LDLRAP1: variants seen among roughly 807,000 people sequenced by gnomAD.
LDLRAP1 encodes low density lipoprotein receptor adapter protein 1.
In LDLRAP1, 30 loss-of-function variants were observed where a neutral mutation model predicts 37.8. The ratio of observed to expected loss-of-function variants is 0.79; its 90% CI spans 0.59 to 1.08. The LOEUF (loss-of-function observed/expected upper bound fraction) is 1.08, where lower values mean the gene tolerates loss of function less well. Ranked by LOEUF, LDLRAP1 falls within the 50% of genes least tolerant of loss-of-function variation. The pLI is 0.00. For synonymous variants in LDLRAP1, 156 were observed against 169.8 expected (o/e 0.92, Z 0.63); for missense variants, 375 against 401.6 (o/e 0.93, Z 0.57).
intron 7 of LDLRAP1, 179 bp downstream of exon 7, chr1:25,563,970 A>C: frequency 1.3e-6 from 1 of 755,590 alleles, no homozygotes; most frequent in Non-Finnish European, 2.2e-6. Flanking sequence ...TTTGAACCTG[A>C]GGCTGCATCC....
the LDLRAP1 span, among the ~76,000 whole-genome samples, chr1:25,588,321 A>G: frequency 3.3e-5 from 5 of 152,178 alleles, no homozygotes; most frequent in Non-Finnish European, 7.3e-5. Context: ...GCCTCTTTGC[A>G]GTTGAGACAA....
At chr1:25,556,214 G>A (rs1161842644) in intron 3 of LDLRAP1, among the ~76,000 whole-genome samples, 2 of 151,976 alleles carry the variant, frequency 1.3e-5, no homozygotes, top group African/African-American at 4.8e-5. Context: ...GGGTGAGTCT[G>A]TGGTGCTCCT....
At chr1:25,553,024 G>A (rs72873734) in intron 1 of LDLRAP1, among the ~76,000 whole-genome samples, 7,884 of 152,112 alleles carry the variant, frequency 0.052, 494 homozygotes, top group African/African-American at 0.15. Context: ...TTGGGAAATC[G>A]CCTTCTCCTC....
downstream of LDLRAP1, among the ~76,000 whole-genome samples, chr1:25,569,107 A>C (rs562477335): frequency 5.3e-5 from 8 of 152,240 alleles, no homozygotes; most frequent in East Asian, 1.2e-3. Flanking sequence ...TGGATGACTC[A>C]TGGAGGCTAC....
At chr1:25,581,665 C>T in the LDLRAP1 span, 2 of 152,474 alleles carry the variant, frequency 1.3e-5, no homozygotes, top group African/African-American at 4.8e-5. Context: ...CTGGATGAAA[C>T]CTGACTATGC....
intron 4 of LDLRAP1, among the ~76,000 whole-genome samples, chr1:25,559,496 G>A (rs948659311): frequency 6.6e-6 from 1 of 152,232 alleles, no homozygotes; most frequent in Non-Finnish European, 1.5e-5. Context: ...GCCCTGACCA[G>A]GCAGCAGAAG....
chr1:25,558,158 C>A (rs2044255882), intron 4 of LDLRAP1, among the ~76,000 whole-genome samples: 2 of 152,098 alleles, frequency 1.3e-5, no homozygotes, highest in Admixed American at 1.3e-4. Context: ...GTTTCTGAGA[C>A]CCCCAGGATC....
At position 25,563,122 on chromosome 1, in the gene LDLRAP1, C is replaced by A. The variant is rs1214972371; in HGVS notation, c.585C>A (p.Ala195=). 1.2e-6 allele frequency: 2 copies of A among 1,613,892 alleles called. No homozygotes were observed. The highest frequency in any genetic ancestry group is 1.7e-6 in the Non-Finnish European group (2 of 1,179,940). ...ASQEGGDVLG[A]RQDCTPSLKS... The stretch of plus-strand genomic sequence containing the variant: ...AAGAGGGAGGGGACGTCCTGGGGGC[C>A]CGCCAAGACTGCACCCCCTCCTTGA... Residue 195 remains alanine, a synonymous_variant, in exon 6 of 9, where the codon GCC becomes GCA. Transcript: ENST00000374338.
chr1:25,565,033 G>C (rs1015909471), intron 7 of LDLRAP1, 140 bp from the exon 8 acceptor site: 1 of 867,776 alleles, frequency 1.2e-6, no homozygotes, highest in African/African-American at 1.7e-5. Context: ...CAGGAGGCCT[G>C]CCTGAGGCCG....
chr1:25,576,449 C>T, the LDLRAP1 span, among the ~76,000 whole-genome samples: 14 of 150,312 alleles, frequency 9.3e-5, no homozygotes, highest in Non-Finnish European at 1.8e-4. Context: ...TCACTTGAAA[C>T]CAGAAGGCAG....
At chr1:25,548,934 G>A (rs1349005351) in intron 1 of LDLRAP1, among the ~76,000 whole-genome samples, 4 of 152,088 alleles carry the variant, frequency 2.6e-5, no homozygotes, top group Admixed American at 6.5e-5. Context: ...GGAATTACAG[G>A]CATGAGCCAC....
In LDLRAP1 at chr1:25,567,150, A is replaced by G. The variant is rs1368262108; in HGVS notation, c.*158A>G. On this transcript the variant is annotated 3_prime_UTR_variant, in exon 9 of 9. Transcript: ENST00000374338. ...CTGCAGCCAGTCAGGCAGGGGAGAG[A>G]TTTTTCTTTTAAGCCCTGCTCTTTC... 1.0e-5 allele frequency: 9 copies of G among 889,710 alleles called. No homozygotes were observed. The highest frequency in any genetic ancestry group is 2.1e-5 in the Admixed American group (1 of 47,352). 55.1% of individuals were successfully genotyped at this position (889,710 alleles called of 1,614,324 possible). A position where few individuals can be genotyped will look rare whatever the true frequency, so the allele number is the denominator to read the frequency against.
chr1:25,543,791 G>T lies in LDLRAP1; in HGVS notation c.88+5G>T, dbSNP rs1048978247. 2.5e-6 allele frequency: 3 copies of T among 1,205,026 alleles called. No homozygotes were observed. The African/African-American group carries it at 4.7e-5, about 19-fold the overall frequency. 74.6% of individuals were successfully genotyped at this position (1,205,026 alleles called of 1,614,324 possible). A position where few individuals can be genotyped will look rare whatever the true frequency, so the allele number is the denominator to read the frequency against. On this transcript the variant is annotated splice_donor_5th_base_variant and intron_variant, in intron 1 of 8. Transcript: ENST00000374338. ...GGGGCGGTGGCCGGCACCGCAGTGA[G>T]TGTGCGCGCGTCAGCCGGGCCGGGC...
intron 4 of LDLRAP1, among the ~76,000 whole-genome samples, chr1:25,558,763 A>ATAATCTC (rs1446516035): frequency 1.3e-5 from 2 of 152,172 alleles, no homozygotes; most frequent in Non-Finnish European, 2.9e-5. Flanking sequence ...CTCCATCGCC[A>ATAATCTC]CATCCTTAAC....
chr1:25,582,893 G>A, the LDLRAP1 span, among the ~76,000 whole-genome samples: 1 of 151,972 alleles, frequency 6.6e-6, no homozygotes, highest in East Asian at 2.0e-4. Flanking sequence ...GCAACATGGT[G>A]AAACCCCGTC....
chr1:25,572,948 GC>G (rs1453644418), downstream of LDLRAP1, among the ~76,000 whole-genome samples: 2 of 152,196 alleles, frequency 1.3e-5, no homozygotes, highest in African/African-American at 4.8e-5. Flanking sequence ...TCCGAGTGCA[GC>G]CTCTGGGGCC....
chr1:25,582,799 C>CCT, the LDLRAP1 span, among the ~76,000 whole-genome samples: 2 of 151,750 alleles, frequency 1.3e-5, no homozygotes, highest in African/African-American at 4.8e-5. Context: ...GAGCCGGGTA[C>CCT]GGTGGCTCAC....
At chr1:25,573,811 C>T (rs922741042), downstream of LDLRAP1, among the ~76,000 whole-genome samples, 1 of 152,340 alleles carries the variant, frequency 6.6e-6, no homozygotes, top group East Asian at 1.9e-4. Flanking sequence ...CTGCTCCTGC[C>T]TCTCCCTGAG....
intron 4 of LDLRAP1, among the ~76,000 whole-genome samples, chr1:25,560,127 G>A (rs1484533699): frequency 2.0e-5 from 3 of 152,184 alleles, no homozygotes; most frequent in Non-Finnish European, 2.9e-5. Flanking sequence ...ACGTGCAAAC[G>A]CAGAGGGGCG....
Sources: allele counts gnomAD v4.1 joint callset (sites outside exome capture counted in the v4.1 genomes callset), GRCh38; gene constraint gnomAD v4.1.1; transcripts MANE v1.5; gene names NCBI Gene and HGNC (gene_info 2026-07-23, HGNC 2026-07-21).